The following PIK3CD variants were observed in gnomAD, a reference collection of about 807,000 sequenced individuals.
PIK3CD encodes the protein phosphatidylinositol 4,5-bisphosphate 3-kinase catalytic subunit delta isoform.
A neutral mutation model predicts 122.9 loss-of-function variants in PIK3CD; 20 were observed. The observed-to-expected ratio is 0.16, with a 90% CI of 0.11 to 0.24. The LOEUF (loss-of-function observed/expected upper bound fraction) is 0.24, where lower values mean the gene tolerates loss of function less well. Among genes scored for constraint, PIK3CD ranks in the 10% least tolerant of loss-of-function variants. The pLI is 1.00. For synonymous variants in PIK3CD, 596 were observed against 593.4 expected (o/e 1.00, Z -0.06); for missense variants, 787 against 1,406.3 (o/e 0.56, Z 7.04).
Position 9,652,465 on chromosome 1 carries a change from C to T in PIK3CD, c.-138+663C>T, listed in dbSNP as rs1206798425. 1.3e-5 allele frequency: 2 copies of T among 152,246 alleles called. No homozygotes were observed. Among genetic ancestry groups the T allele is most frequent in the African/African-American group, 4.8e-5 (2 of 41,476 alleles). The allele number at this position is 152,246 out of a possible 1,614,324, so 9.4% of individuals were successfully genotyped here. A position where few individuals can be genotyped will look rare whatever the true frequency, so the allele number is the denominator to read the frequency against. On this transcript the variant is annotated intron_variant, in intron 1 of 23. Coordinates refer to ENST00000377346, the MANE Select transcript of PIK3CD (RefSeq NM_005026.5). This position sits in a 1 kb window ranked among gnomAD's most constrained non-coding sequence, Gnocchi z 6.2. ...CCGCCTCCCAGTCCCGGGCCTCCCG[C>T]GTTGCTCGCCGCGTTTGCTGCAGCG...
chr1:9,716,666 A>G (rs1309368663), intron 6 of PIK3CD, 47 bp downstream of exon 6: 1 of 1,526,852 alleles, frequency 6.5e-7, no homozygotes, highest in Non-Finnish European at 8.9e-7. Context: ...AACGCCCTGG[A>G]TAGGGCCTGG....
chr1:9,711,774 G>T, intron 3 of PIK3CD, among the ~76,000 whole-genome samples: 1 of 152,040 alleles, frequency 6.6e-6, no homozygotes, highest in East Asian at 1.9e-4. Context: ...TGGAGATGGG[G>T]TTTCACCATG....
chr1:9,642,097 T>A, the PIK3CD span, among the ~76,000 whole-genome samples: 19 of 152,148 alleles, frequency 1.2e-4, 2 homozygotes, highest in East Asian at 2.5e-3. Flanking sequence ...TTCTATTTTT[T>A]AATTTAATTT....
At chr1:9,640,069 A>C in the PIK3CD span, among the ~76,000 whole-genome samples, 1 of 150,784 alleles carries the variant, frequency 6.6e-6, no homozygotes, top group East Asian at 2.0e-4. Context: ...TCATTGCTCA[A>C]GTTGTTCTAG....
chr1:9,707,803 T>G (rs972653825), intron 2 of PIK3CD, among the ~76,000 whole-genome samples: 1 of 151,510 alleles, frequency 6.6e-6, no homozygotes, highest in African/African-American at 2.4e-5. Context: ...TAATTTTGTT[T>G]TTTTTTTTGA....
At chr1:9,716,651 C>G (rs1380042739) in intron 6 of PIK3CD, 32 bp downstream of exon 6, 1 of 1,544,320 alleles carries the variant, frequency 6.5e-7, no homozygotes, top group East Asian at 2.4e-5. Context: ...GCACTCTGGG[C>G]TCCCAACGCC....
At position 9,727,886 on chromosome 1, in the gene PIK3CD, C is replaced by T. The variant is rs1254608992; in HGVS notation, c.*840C>T. 1 of 174,198 alleles carries T rather than the reference C, an allele frequency of 5.7e-6. No individual in the cohort carries two copies. The highest frequency in any genetic ancestry group is 1.2e-5 in the Non-Finnish European group (1 of 81,022). 10.8% of individuals were successfully genotyped at this position (174,198 alleles called of 1,614,324 possible). The stretch of plus-strand genomic sequence containing the variant: ...GTGGTGCAATCTTGGCTCACTGTAA[C>T]CTCCGCCTCCCAGGTTCAAGTGATT... On this transcript the variant is annotated 3_prime_UTR_variant, in exon 24 of 24. Transcript: ENST00000377346.
At chr1:9,628,676 T>C in the PIK3CD span, among the ~76,000 whole-genome samples, 1 of 152,112 alleles carries the variant, frequency 6.6e-6, no homozygotes, top group Admixed American at 6.6e-5. Context: ...GGCCCAGAGT[T>C]GGTGGCCCTG....
upstream of PIK3CD, among the ~76,000 whole-genome samples, chr1:9,646,825 C>G (rs967143218): frequency 1.3e-5 from 2 of 151,784 alleles, no homozygotes; most frequent in Admixed American, 1.3e-4. Context: ...CTTGGTGGCT[C>G]ACGCCTTTAG....
upstream of PIK3CD, among the ~76,000 whole-genome samples, chr1:9,650,167 T>C (rs1644645736): frequency 6.6e-6 from 1 of 152,162 alleles, no homozygotes; most frequent in Non-Finnish European, 1.5e-5. Context: ...TTCACGCCTG[T>C]AATCCCAGCA....
chr1:9,729,051 A>C lies in PIK3CD; in HGVS notation c.*2005A>C, dbSNP rs146095672. ...TTAGTTAGAACCAGAACTTTATTGT[A>C]GCGGATACACTTTCTGACCTATCAT... On this transcript the variant is annotated 3_prime_UTR_variant, in exon 24 of 24. Transcript: ENST00000377346. The C allele has an allele frequency of 6.6e-6, 1 of 152,364 alleles. No individual in the cohort carries two copies. The highest frequency in any genetic ancestry group is 2.4e-5 in the African/African-American group (1 of 41,584). The allele number at this position is 152,364 out of a possible 1,614,324, so 9.4% of individuals were successfully genotyped here. A position where few individuals can be genotyped will look rare whatever the true frequency, so the allele number is the denominator to read the frequency against.
intron 1 of PIK3CD, among the ~76,000 whole-genome samples, chr1:9,673,927 C>T (rs749279254): frequency 1.3e-5 from 2 of 152,172 alleles, no homozygotes; most frequent in African/African-American, 4.8e-5. Context: ...CAACTGCCAT[C>T]CGATTGGAGC....
intron 1 of PIK3CD, among the ~76,000 whole-genome samples, chr1:9,671,697 C>T (rs552004952): frequency 1.6e-4 from 25 of 152,224 alleles, no homozygotes; most frequent in African/African-American, 4.3e-4. Context: ...CCTCCCGCCT[C>T]GGCCCCCCAA....
chr1:9,648,946 A>G (rs538258602), upstream of PIK3CD, among the ~76,000 whole-genome samples: 6 of 152,106 alleles, frequency 3.9e-5, no homozygotes, highest in Non-Finnish European at 7.3e-5. Context: ...ACTAAAAAAT[A>G]CAAAAATTAA....
rs1217184403 is a variant in PIK3CD, at chr1:9,717,195, G to A, written c.930+87G>A. On this transcript the variant is annotated intron_variant, in intron 7 of 23. Coordinates refer to ENST00000377346, the MANE Select transcript of PIK3CD (RefSeq NM_005026.5). The surrounding 1 kb of genome is among the most constrained non-coding windows in gnomAD (Gnocchi z 5.4). ...CCATGTGCTACTGGCCATGGGTCCA[G>A]GGGCCCTTGGTATGGAGAGCTGGGG... 1 of 1,513,546 alleles carries A rather than the reference G, an allele frequency of 6.6e-7. No homozygotes were observed. The highest frequency in any genetic ancestry group is 1.4e-5 in the African/African-American group (1 of 72,808). 93.8% of individuals were successfully genotyped at this position (1,513,546 alleles called of 1,614,324 possible).
intron 1 of PIK3CD, among the ~76,000 whole-genome samples, chr1:9,676,918 C>T (rs1014444565): frequency 3.3e-5 from 5 of 152,174 alleles, no homozygotes. Flanking sequence ...AGGAGTGGCC[C>T]AGAGACCTGC....
rs961793679 is a variant in PIK3CD, at chr1:9,689,762, G to T, written c.-137-1705G>T. Among the ~76,000 whole-genome samples the T allele has an allele frequency of 1.3e-4, 19 of 151,412 alleles. No individual in the cohort carries two copies. Among genetic ancestry groups the T allele is most frequent in the Non-Finnish European group, 2.1e-4 (14 of 67,682 alleles). ...GTGCGGGCGTCTGCGGGGTCCCCGTGCCCCGCCCCCAGCCCCGCCGGGCGT... is the reference window on the plus strand; with the variant it reads ...GTGCGGGCGTCTGCGGGGTCCCCGTTCCCCGCCCCCAGCCCCGCCGGGCGT... On this transcript the variant is annotated intron_variant, in intron 1 of 23. Transcript: ENST00000377346. The surrounding 1 kb of genome is among the most constrained non-coding windows in gnomAD (Gnocchi z 6.1).
chr1:9,690,533 T>C (rs1004087479), intron 1 of PIK3CD, among the ~76,000 whole-genome samples: 1 of 152,180 alleles, frequency 6.6e-6, no homozygotes, highest in Non-Finnish European at 1.5e-5. Flanking sequence ...GTTTCTCTGG[T>C]GGCAGTGCCT....
At position 9,716,841 on chromosome 1, in the gene PIK3CD, C is replaced by T. The variant is rs1215986407; in HGVS notation, c.781-118C>T. On this transcript the variant is annotated intron_variant, in intron 6 of 23. Transcript: ENST00000377346. ...GGGCAGGAAAAACCAGCAGGAAGCCCTCCCCTCTCCCAAGGCCTAGGACAG... is the reference window on the plus strand; with the variant it reads ...GGGCAGGAAAAACCAGCAGGAAGCCTTCCCCTCTCCCAAGGCCTAGGACAG... The T allele has an allele frequency of 2.8e-5, 40 of 1,438,188 alleles. No homozygotes were observed. The Admixed American group carries it at 6.8e-4, about 24-fold the overall frequency. 89.1% of individuals were successfully genotyped at this position (1,438,188 alleles called of 1,614,324 possible). A position where few individuals can be genotyped will look rare whatever the true frequency, so the allele number is the denominator to read the frequency against.
Sources: gnomAD v4.1 joint callset for allele counts (sites outside exome capture counted in the v4.1 genomes callset) on GRCh38, gnomAD v4.1.1 for gene constraint, Gnocchi (gnomAD v3.1) non-coding constraint, MANE v1.5 for transcripts, NCBI Gene and HGNC (gene_info 2026-07-23, HGNC 2026-07-21) for gene names.